Variants in ZSCAN29 observed in about 807,000 individuals in gnomAD.
The protein encoded by ZSCAN29 is zinc finger and SCAN domain-containing protein 29.
ZSCAN29 carries 55 observed loss-of-function variants against 71.9 expected under a neutral mutation model. The observed-to-expected ratio is 0.76, with a 90% CI of 0.62 to 0.96. The LOEUF (loss-of-function observed/expected upper bound fraction) is 0.96. ZSCAN29 is among the 40% of genes least tolerant of loss of function. The pLI is 0.00. For synonymous variants in ZSCAN29, 351 were observed against 371.6 expected (o/e 0.94, Z 0.64); for missense variants, 1,042 against 1,042.2 (o/e 1.00, Z 0.00).
At position 43,366,509 on chromosome 15, in the gene ZSCAN29, T is replaced by A. The variant is rs772772295; in HGVS notation, c.823A>T (p.Asn275Tyr). ...FYEALRNCHR[N>Y]SQVYGAVAER... is the part of the protein sequence containing the mutation. Reference sequence around the variant, plus strand: ...GCCACAGCCCCATACACTTGGCTGTTCCTATGGCAGTTTCTGAGAGCCTCA... The same window carrying A: ...GCCACAGCCCCATACACTTGGCTGTACCTATGGCAGTTTCTGAGAGCCTCA... Residue 275 changes from asparagine (N) to tyrosine (Y), a missense_variant, in exon 4 of 6, where the codon AAC becomes TAC. Transcript: ENST00000684362. 6.2e-7 allele frequency: 1 copy of A among 1,614,226 alleles called. No individual in the cohort carries two copies. Among genetic ancestry groups the A allele is most frequent in the Non-Finnish European group, 8.5e-7 (1 of 1,180,026 alleles).
intron 2 of ZSCAN29, 123 bp from the exon 3 acceptor site, chr15:43,369,250 G>A (rs2044071206): frequency 1.0e-6 from 1 of 977,848 alleles, no homozygotes; most frequent in African/African-American, 1.6e-5. Flanking sequence ...TAGGGGTGAG[G>A]GAGGTTAACG....
rs2043985824 is a variant in ZSCAN29, at chr15:43,361,862, A to G, written c.1770T>C (p.Leu590=). 1 of 1,614,110 alleles carries G rather than the reference A, an allele frequency of 6.2e-7. No individual in the cohort carries two copies. The highest frequency in any genetic ancestry group is 1.3e-5 in the African/African-American group (1 of 74,924). ...GGGGAATTTTCCTTTCAGATCTTGC[A>G]AGTAATGTCCTATGCAGTTGTACTT... ...SEEVQLHRTL[L]ARSERKIPRY... The change falls in exon 6 of 6, where the codon CTT becomes CTC. Residue 590 remains leucine (L), a synonymous_variant. Transcript: ENST00000684362.
At chr15:43,362,272 C>T (rs1186667325) in intron 5 of ZSCAN29, among the ~76,000 whole-genome samples, 2 of 152,130 alleles carry the variant, frequency 1.3e-5, no homozygotes, top group Non-Finnish European at 2.9e-5. Context: ...AGGAAAGACA[C>T]TTTCTAATAC....
In ZSCAN29 at chr15:43,369,074, C is replaced by A. The variant is rs1334962675; in HGVS notation, c.372G>T (p.Pro124=). ...QEVRLEKMTP[P]KSSQELLSVR... ...CACTTAATAACTCTTGTGATGATTT[C>A]GGGGGTGTCATCTTCTCCAAGCGCA... Residue 124 remains proline, a synonymous_variant, in exon 3 of 6, where the codon CCG becomes CCT. Coordinates refer to ENST00000684362, the MANE Select transcript of ZSCAN29 (RefSeq NM_001372080.1). 1.2e-6 allele frequency: 2 copies of A among 1,604,204 alleles called. No homozygotes were observed. The highest frequency in any genetic ancestry group is 3.4e-5 in the Admixed American group (2 of 59,292).
chr15:43,361,334 C>T lies in ZSCAN29; in HGVS notation c.2298G>A (p.Glu766=), dbSNP rs1220340856. The stretch of plus-strand genomic sequence containing the variant: ...AACTGTTATTGAAGCTTTTTCCACA[C>T]TCTTCACATTGATAGGGCTTTTCTC... ...HTGEKPYQCE[E]CGKSFNNSSH... is the part of the protein sequence containing the mutation. The change falls in exon 6 of 6, where the codon GAG becomes GAA. Residue 766 remains glutamate (E), a synonymous_variant. Transcript: ENST00000684362. 1 of 1,614,056 alleles carries T rather than the reference C, an allele frequency of 6.2e-7. No individual in the cohort carries two copies. Among genetic ancestry groups the T allele is most frequent in the South Asian group, 1.1e-5 (1 of 91,070 alleles).
In ZSCAN29 at chr15:43,361,463, G is replaced by A; in HGVS notation, c.2169C>T (p.Thr723=). 1 of 1,613,358 alleles carries A rather than the reference G, an allele frequency of 6.2e-7. No homozygotes were observed. The highest frequency in any genetic ancestry group is 8.5e-7 in the Non-Finnish European group (1 of 1,179,458). The change falls in exon 6 of 6, where the codon ACC becomes ACT. Residue 723 remains threonine, a synonymous_variant. Coordinates refer to ENST00000684362, the MANE Select transcript of ZSCAN29 (RefSeq NM_001372080.1). ...KSFRDSSNFI[T]HRRIHTGEKP... is the part of the protein sequence containing the mutation. ...TCTCTCCTGTGTGGATTCTCCTATG[G>A]GTGATGAAATTTGAACTGTCACGGA...
In ZSCAN29 at chr15:43,364,087, C is replaced by T; in HGVS notation, c.1518G>A (p.Gln506=). The change falls in exon 5 of 6, where the codon CAG becomes CAA. Residue 506 remains glutamine, a synonymous_variant. Transcript: ENST00000684362. ...VRVAAPPNDG[Q]EETASCPVQG... is the part of the protein sequence containing the mutation. ...GGACGGGGCAAGAAGCAGTCTCTTC[C>T]TGGCCATCATTGGGTGGGGCAGCAA... is the stretch of plus-strand genomic sequence containing the variant. The T allele has an allele frequency of 6.2e-7, 1 of 1,614,172 alleles. No homozygotes were observed. The highest frequency in any genetic ancestry group is 1.1e-5 in the South Asian group (1 of 91,080).
At chr15:43,363,806 G>A in intron 5 of ZSCAN29, 109 bp downstream of exon 5, 1 of 1,060,932 alleles carries the variant, frequency 9.4e-7, no homozygotes, top group East Asian at 2.6e-5. Context: ...GTCACAAGAA[G>A]AATCCATGAA....
In ZSCAN29 at chr15:43,369,617, C is replaced by G. The variant is rs2044078718; in HGVS notation, c.297G>C (p.Glu99Asp). Residue 99 changes from glutamate (E) to aspartate (D), a missense_variant, in exon 2 of 6, where the codon GAG becomes GAC. Glu to Asp is a conservative substitution (Grantham distance 45). Coordinates refer to ENST00000684362, the MANE Select transcript of ZSCAN29 (RefSeq NM_001372080.1). ...AVTLVEDLER[E>D]PGRPRSSVTV... ...TCACCGAAGATCTAGGTCTTCCAGG[C>G]TCTCTTTCTAAATCTTCCACGAGAG... 2 of 1,613,038 alleles carry G rather than the reference C, an allele frequency of 1.2e-6. No homozygotes were observed. Among genetic ancestry groups the G allele is most frequent in the African/African-American group, 2.7e-5 (2 of 74,886 alleles).
chr15:43,362,784 C>T (rs1486148196), intron 5 of ZSCAN29, among the ~76,000 whole-genome samples: 2 of 152,068 alleles, frequency 1.3e-5, no homozygotes, highest in Non-Finnish European at 2.9e-5. Context: ...TCTTCCCAAA[C>T]CTATAAGTTA....
At position 43,359,428 on chromosome 15, in the gene ZSCAN29, T is replaced by C. The variant is rs55748552; in HGVS notation, c.*1645A>G. ...TGTATTATAAAGATGAGTAATTATA[T>C]TTGCATTTAAAGAACTGCTTTTAAT... On this transcript the variant is annotated 3_prime_UTR_variant, in exon 6 of 6. Coordinates refer to ENST00000684362, the MANE Select transcript of ZSCAN29 (RefSeq NM_001372080.1). 0.17 allele frequency: 26,300 copies of C among 152,276 alleles called. 2,462 individuals carry two copies. Among genetic ancestry groups the C allele is most frequent in the Middle Eastern group, 0.27 (80 of 294 alleles). 9.4% of individuals were successfully genotyped at this position (152,276 alleles called of 1,614,324 possible).
At chr15:43,366,884 C>A in intron 3 of ZSCAN29, 76 bp from the exon 4 acceptor site, 1 of 1,344,382 alleles carries the variant, frequency 7.4e-7, no homozygotes, top group South Asian at 1.4e-5. Flanking sequence ...TCAGTCCTGC[C>A]TTTTTCATCC....
At position 43,366,377 on chromosome 15, in the gene ZSCAN29, C is replaced by G. The variant is rs1566883590; in HGVS notation, c.955G>C (p.Glu319Gln). The G allele has an allele frequency of 1.2e-6, 2 of 1,614,096 alleles. No individual in the cohort carries two copies. The highest frequency in any genetic ancestry group is 2.2e-5 in the South Asian group (2 of 91,076). ...ATCTCTTCAAAGAAGGGGCAGGTCT[C>G]AGGTGGGTGGCCGCTCTTGACTTTC... ...YRKVKSGHPP[E>Q]TCPFFEEMEA... Residue 319 changes from glutamate (E) to glutamine (Q), a missense_variant, in exon 4 of 6, where the codon GAG (glutamate) becomes CAG (glutamine). Coordinates refer to ENST00000684362, the MANE Select transcript of ZSCAN29 (RefSeq NM_001372080.1).
At chr15:43,363,700 G>C in intron 5 of ZSCAN29, 2 of 496,524 alleles carry the variant, frequency 4.0e-6, no homozygotes, top group South Asian at 8.2e-5. Flanking sequence ...ACAATGTGCA[G>C]CTATCTCAGA....
chr15:43,359,379 G>A lies in ZSCAN29; in HGVS notation c.*1694C>T, dbSNP rs2043960166. On this transcript the variant is annotated 3_prime_UTR_variant, in exon 6 of 6. Coordinates refer to ENST00000684362, the MANE Select transcript of ZSCAN29 (RefSeq NM_001372080.1). Reference sequence around the variant, plus strand: ...TGCTATACAGGGCTCATCATACTATGAGCATATGGGCAGTTAATACTATTG... The same window carrying A: ...TGCTATACAGGGCTCATCATACTATAAGCATATGGGCAGTTAATACTATTG... The A allele has an allele frequency of 6.6e-6, 1 of 152,236 alleles. No homozygotes were observed. Among genetic ancestry groups the A allele is most frequent in the Non-Finnish European group, 1.5e-5 (1 of 68,048 alleles). 9.4% of individuals were successfully genotyped at this position (152,236 alleles called of 1,614,324 possible). A position where few individuals can be genotyped will look rare whatever the true frequency, so the allele number is the denominator to read the frequency against.
At chr15:43,362,104 T>C (rs939984707) in intron 5 of ZSCAN29, among the ~76,000 whole-genome samples, 163 bp from the exon 6 acceptor site, 5 of 152,238 alleles carry the variant, frequency 3.3e-5, no homozygotes, top group African/African-American at 1.2e-4. Context: ...AATGTTTTAC[T>C]TCTCTACTTG....
At chr15:43,365,526 C>G (rs1411356920) in intron 4 of ZSCAN29, among the ~76,000 whole-genome samples, 1 of 152,148 alleles carries the variant, frequency 6.6e-6, no homozygotes, top group East Asian at 1.9e-4. Flanking sequence ...ACTCAGAAGG[C>G]TGAGGTGGGA....
At position 43,360,131 on chromosome 15, in the gene ZSCAN29, G is replaced by A. The variant is rs1595465017; in HGVS notation, c.*942C>T. ...TGGGAGACCTAGGCAGGCAGATCATGAGGTCAATTCAAAACCAGCCTGGCC... is the reference window on the plus strand; with the variant it reads ...TGGGAGACCTAGGCAGGCAGATCATAAGGTCAATTCAAAACCAGCCTGGCC... On this transcript the variant is annotated 3_prime_UTR_variant, in exon 6 of 6. Transcript: ENST00000684362. 1 of 150,892 alleles carries A rather than the reference G, an allele frequency of 6.6e-6. No individual in the cohort carries two copies. The highest frequency in any genetic ancestry group is 2.0e-4 in the East Asian group (1 of 5,072). 9.3% of individuals were successfully genotyped at this position (150,892 alleles called of 1,614,324 possible).
At position 43,366,090 on chromosome 15, in the gene ZSCAN29, CAAG is replaced by C. The variant is rs756182351; in HGVS notation, c.1222+17_1222+19del. Reference sequence around the variant, plus strand: ...TTCCCCAAGTCTAATTCCAAAACTCCAAGAAGAAAAGCTTCTTACCACCTGGGC... The same window carrying C: ...TTCCCCAAGTCTAATTCCAAAACTCCAAGAAAAGCTTCTTACCACCTGGGC... On this transcript the variant is annotated intron_variant, in intron 4 of 5. Coordinates refer to ENST00000684362, the MANE Select transcript of ZSCAN29 (RefSeq NM_001372080.1). The C allele has an allele frequency of 4.5e-6, 7 of 1,571,620 alleles. No homozygotes were observed. The Admixed American group carries it at 9.6e-5, about 21-fold the overall frequency.
Sources: gnomAD v4.1 joint callset for allele counts (sites outside exome capture counted in the v4.1 genomes callset) on GRCh38, gnomAD v4.1.1 for gene constraint, MANE v1.5 for transcripts, NCBI Gene and HGNC (gene_info 2026-07-23, HGNC 2026-07-21) for gene names.